The following SALL4 variants were observed in gnomAD, a reference collection of about 807,000 sequenced individuals.
The protein encoded by SALL4 is spalt like transcription factor 4.
A neutral mutation model predicts 60.8 loss-of-function variants in SALL4; 4 were observed. The ratio of observed to expected loss-of-function variants is 0.07; its 90% CI spans 0.03 to 0.15. The LOEUF is 0.15. SALL4 is among the 10% of genes least tolerant of loss of function. SALL4 has a pLI of 1.00. For synonymous variants in SALL4, 580 were observed against 574.9 expected (o/e 1.01, Z -0.13); for missense variants, 1,178 against 1,394.7 (o/e 0.84, Z 2.48).
In SALL4 at chr20:51,791,020, T is replaced by G. The variant is rs1601169729; in HGVS notation, c.1463A>C (p.Asn488Thr). 1.9e-6 allele frequency: 3 copies of G among 1,614,066 alleles called. No homozygotes were observed. The African/African-American group carries it at 4.0e-5, about 22-fold the overall frequency. ...LVTTSVGLPQNLSSGTNPKDL... is the reference protein window; with the variant it reads ...LVTTSVGLPQTLSSGTNPKDL... Reference sequence around the variant, plus strand: ...CTTGGGATTAGTCCCCGAAGAAAGATTCTGAGGTAGCCCTACAGAGGTGGT... The same window carrying G: ...CTTGGGATTAGTCCCCGAAGAAAGAGTCTGAGGTAGCCCTACAGAGGTGGT... Residue 488 changes from asparagine to threonine, a missense_variant, in exon 2 of 4, where the codon AAT becomes ACT. Physicochemically the swap from Asn to Thr is moderately conservative, Grantham distance 65. This residue lies in a region of SALL4 where 853 missense variants were observed against 1,036.8 expected (regional missense o/e 0.82). Coordinates refer to ENST00000217086, the MANE Select transcript of SALL4 (RefSeq NM_020436.5). This position sits in a 1 kb window ranked among gnomAD's most constrained non-coding sequence, Gnocchi z 4.6.
At chr20:51,786,530 C>T (rs903105632) in intron 3 of SALL4, among the ~76,000 whole-genome samples, 6 of 152,182 alleles carry the variant, frequency 3.9e-5, no homozygotes, top group African/African-American at 1.4e-4. Context: ...CTGCACCCAG[C>T]CTAGAGTTAA....
Position 51,788,811 on chromosome 20 carries a change from A to C in SALL4, c.2742+50T>G, listed in dbSNP as rs2078011343. The C allele has an allele frequency of 6.2e-7, 1 of 1,608,472 alleles. No individual in the cohort carries two copies. The highest frequency in any genetic ancestry group is 8.5e-7 in the Non-Finnish European group (1 of 1,179,180). On this transcript the variant is annotated intron_variant, in intron 3 of 3. Coordinates refer to ENST00000217086, the MANE Select transcript of SALL4 (RefSeq NM_020436.5). The surrounding 1 kb of genome is among the most constrained non-coding windows in gnomAD (Gnocchi z 4.1). The stretch of plus-strand genomic sequence containing the variant: ...CTCATCACGGCTTGTGCCAATAAGA[A>C]GACACCTGGTGCCTAGCCCCCATCC...
At chr20:51,802,245 C>T (rs202052776) in intron 1 of SALL4, 34 bp downstream of exon 1, 9 of 1,566,854 alleles carry the variant, frequency 5.7e-6, no homozygotes, top group Non-Finnish European at 6.9e-6. Context: ...CCGGGAAGCT[C>T]CCCTCCCCGG....
intron 1 of SALL4, among the ~76,000 whole-genome samples, chr20:51,800,310 C>T (rs1461018765): frequency 1.3e-5 from 2 of 152,216 alleles, no homozygotes; most frequent in African/African-American, 4.8e-5. Context: ...CAGCAAAGGG[C>T]TAGGCTTCAA....
Position 51,791,387 on chromosome 20 carries a change from T to C in SALL4, c.1096A>G (p.Ile366Val). Residue 366 changes from isoleucine (I) to valine (V), a missense_variant, in exon 2 of 4, where the codon ATC (isoleucine) becomes GTC (valine). Physicochemically the swap from Ile to Val is conservative, Grantham distance 29. Around this residue, in one of 5 missense-constraint regions of SALL4, gnomAD observed 853 missense variants for 1,036.8 expected, o/e 0.82. Transcript: ENST00000217086. This position sits in a 1 kb window ranked among gnomAD's most constrained non-coding sequence, Gnocchi z 4.6. ...TTGGGTTTGACATCCACCGCGGAGA[T>C]GTTCGGTGGCTTCCCCTTCCCTTTC... ...SKKGKGKPPN[I>V]SAVDVKPKDE... 1.6e-5 allele frequency: 26 copies of C among 1,614,190 alleles called. No homozygotes were observed. The highest frequency in any genetic ancestry group is 2.1e-5 in the Non-Finnish European group (25 of 1,180,020).
rs2077973897 is a variant in SALL4 at position 51,784,273 on chromosome 20, C to T, written c.3154G>A (p.Val1052Ile). 3 of 1,613,884 alleles carry T rather than the reference C, an allele frequency of 1.9e-6. No individual in the cohort carries two copies. The highest frequency in any genetic ancestry group is 2.5e-6 in the Non-Finnish European group (3 of 1,180,044). Residue 1052 changes from valine to isoleucine, a missense_variant, in exon 4 of 4, where the codon GTC becomes ATC. Transcript: ENST00000217086. ...TCCACGCAAGTTCTCCCTTAGCTGA[C>T]CGCAATCTTGTTTTCTTCCAGGAAG... ...PHFLEENKIA[V>I]S
Position 51,792,009 on chromosome 20 carries a change from C to T in SALL4, c.474G>A (p.Glu158=). Residue 158 remains glutamate (E), a synonymous_variant, in exon 2 of 4, where the codon GAG becomes GAA. Coordinates refer to ENST00000217086, the MANE Select transcript of SALL4 (RefSeq NM_020436.5). ...DAESVVYLKT[E]TALPPTPQDI... is the part of the protein sequence containing the mutation. ...CCTGGGGGGTGGGTGGCAGGGCTGT[C>T]TCTGTCTTTAGGTACACCACAGACT... The T allele has an allele frequency of 6.2e-7, 1 of 1,614,142 alleles. No homozygotes were observed. Among genetic ancestry groups the T allele is most frequent in the Non-Finnish European group, 8.5e-7 (1 of 1,180,020 alleles).
At position 51,788,289 on chromosome 20, in the gene SALL4, G is replaced by A. The variant is rs546309361; in HGVS notation, c.2742+572C>T. Among the ~76,000 whole-genome samples the A allele has an allele frequency of 1.3e-5, 2 of 151,710 alleles. No individual in the cohort carries two copies. The highest frequency in any genetic ancestry group is 4.8e-5 in the African/African-American group (2 of 41,332). On this transcript the variant is annotated intron_variant, in intron 3 of 3. Coordinates refer to ENST00000217086, the MANE Select transcript of SALL4 (RefSeq NM_020436.5). This position sits in a 1 kb window ranked among gnomAD's most constrained non-coding sequence, Gnocchi z 4.1. Reference sequence around the variant, plus strand: ...TCCCACTTCAGCTTCCCAATTGGCGGGGACCCAAGCATGCAACACCATGCC... The same window carrying A: ...TCCCACTTCAGCTTCCCAATTGGCGAGGACCCAAGCATGCAACACCATGCC...
chr20:51,782,550 CAAAAAAAAAAAAA>C lies in SALL4; in HGVS notation c.*1702_*1714del, dbSNP rs35289382. The C allele has an allele frequency of 1.2e-4, 7 of 56,388 alleles. No individual in the cohort carries two copies. The highest frequency in any genetic ancestry group is 3.9e-4 in the African/African-American group (7 of 17,796). The allele number at this position is 56,388 out of a possible 1,614,324, so 3.5% of individuals were successfully genotyped here. A position where few individuals can be genotyped will look rare whatever the true frequency, so the allele number is the denominator to read the frequency against. On this transcript the variant is annotated 3_prime_UTR_variant, in exon 4 of 4. Transcript: ENST00000217086. ...TTCCAGAAGGAAAGGCACAACTTGG[CAAAAAAAAAAAAA>C]AAAAAAAAAAAGGGGGGCGGAATCC...
chr20:51,791,871 G>C lies in SALL4; in HGVS notation c.612C>G (p.Pro204=), dbSNP rs367890518. The C allele has an allele frequency of 9.9e-6, 16 of 1,613,960 alleles. No individual in the cohort carries two copies. In the Admixed American group the frequency reaches 2.7e-4, roughly 27 times the overall value. The part of the protein sequence containing the change: ...NQRSADALPA[P]VPGANSIPWV... ...ACGGGATGCTGTTGGCACCAGGCAC[G>C]GGGGCAGGGAGTGCATCCGCGCTCC... Residue 204 remains proline (P), a synonymous_variant, in exon 2 of 4, where the codon CCC becomes CCG. Coordinates refer to ENST00000217086, the MANE Select transcript of SALL4 (RefSeq NM_020436.5). The surrounding 1 kb of genome is among the most constrained non-coding windows in gnomAD (Gnocchi z 4.6).
chr20:51,792,581 C>T (rs991479693), intron 1 of SALL4, among the ~76,000 whole-genome samples: 5 of 145,956 alleles, frequency 3.4e-5, no homozygotes, highest in Admixed American at 1.4e-4. Context: ...CCCAGCTACT[C>T]GGGAGGCTGA....
Position 51,788,888 on chromosome 20 carries a change from T to A in SALL4, c.2715A>T (p.Arg905=). The A allele has an allele frequency of 1.2e-6, 2 of 1,614,104 alleles. No individual in the cohort carries two copies. The highest frequency in any genetic ancestry group is 1.6e-4 in the Middle Eastern group (1 of 6,062). ...TTAAGTTGCCTTTGGTGGTAAAAGC[T>A]CGCCCACAAATGTTGCACACAAAAG... ...EKPFVCNICG[R]AFTTKGNLKV... Residue 905 remains arginine (R), a synonymous_variant, in exon 3 of 4, where the codon CGA becomes CGT. Transcript: ENST00000217086. The surrounding 1 kb of genome is among the most constrained non-coding windows in gnomAD (Gnocchi z 4.1).
chr20:51,784,216 T>C lies in SALL4; in HGVS notation c.*49A>G. On this transcript the variant is annotated 3_prime_UTR_variant, in exon 4 of 4. Transcript: ENST00000217086. Reference sequence around the variant, plus strand: ...TGAGTTCTTACAAAACAAAGCAGATTCTAGAGATTTCACTGTGTCTGCATT... The same window carrying C: ...TGAGTTCTTACAAAACAAAGCAGATCCTAGAGATTTCACTGTGTCTGCATT... The C allele has an allele frequency of 6.3e-7, 1 of 1,598,456 alleles. No homozygotes were observed. The highest frequency in any genetic ancestry group is 8.6e-7 in the Non-Finnish European group (1 of 1,167,802).
chr20:51,791,199 G>A lies in SALL4; in HGVS notation c.1284C>T (p.His428=). ...CCTTCACCTGGGGATGTCGGTGAAA[G>A]TGCACCTTGAGGTTGCCCTTGGTGG... ...RFTTKGNLKV[H]FHRHPQVKAN... The change falls in exon 2 of 4, where the codon CAC becomes CAT. Residue 428 remains histidine (H), a synonymous_variant. Coordinates refer to ENST00000217086, the MANE Select transcript of SALL4 (RefSeq NM_020436.5). This position sits in a 1 kb window ranked among gnomAD's most constrained non-coding sequence, Gnocchi z 4.6. The A allele has an allele frequency of 1.2e-6, 2 of 1,614,142 alleles. No individual in the cohort carries two copies.
chr20:51,797,180 G>C (rs1260016029), intron 1 of SALL4, among the ~76,000 whole-genome samples: 5 of 151,432 alleles, frequency 3.3e-5, no homozygotes, highest in African/African-American at 1.2e-4. Flanking sequence ...AAGTTGTTAT[G>C]ACTTGGAAAT....
chr20:51,795,016 T>C (rs1468806580), intron 1 of SALL4, among the ~76,000 whole-genome samples: 1 of 152,174 alleles, frequency 6.6e-6, no homozygotes, highest in Non-Finnish European at 1.5e-5. Context: ...TTTCTAGGAC[T>C]TCCAGAAGTT....
rs1224633039 is a variant in SALL4, at chr20:51,790,435, C to G, written c.2048G>C (p.Cys683Ser). 6.2e-7 allele frequency: 1 copy of G among 1,614,128 alleles called. No individual in the cohort carries two copies. Among genetic ancestry groups the G allele is most frequent in the Admixed American group, 1.7e-5 (1 of 60,020 alleles). ...VGENGSTGAI[C>S]HDDVIESIDV... ...GATGCTTTCGATGACATCATCATGGCAGATAGCGCCGGTGCTGCCGTTCTC... is the reference window on the plus strand; with the variant it reads ...GATGCTTTCGATGACATCATCATGGGAGATAGCGCCGGTGCTGCCGTTCTC... The change falls in exon 2 of 4, where the codon TGC (cysteine) becomes TCC (serine). Residue 683 changes from cysteine to serine, a missense_variant. Cys to Ser is a moderately radical substitution (Grantham distance 112). Transcript: ENST00000217086. This position sits in a 1 kb window ranked among gnomAD's most constrained non-coding sequence, Gnocchi z 5.5.
intron 1 of SALL4, among the ~76,000 whole-genome samples, chr20:51,795,854 A>G (rs1198498359): frequency 2.6e-5 from 4 of 152,180 alleles, no homozygotes; most frequent in Admixed American, 6.5e-5. Context: ...TTTTGGTTAA[A>G]TAAGTTAGGG....
rs2078029414 is a variant in SALL4 at position 51,790,505 on chromosome 20, C to T, written c.1978G>A (p.Glu660Lys). 46 of 1,614,118 alleles carry T rather than the reference C, an allele frequency of 2.8e-5. No individual in the cohort carries two copies. The highest frequency in any genetic ancestry group is 3.7e-5 in the Non-Finnish European group (44 of 1,180,046). Residue 660 changes from glutamate (E) to lysine (K), a missense_variant, in exon 2 of 4, where the codon GAG becomes AAG. Physicochemically the swap from Glu to Lys is moderately conservative, Grantham distance 56. Around this residue, in one of 5 missense-constraint regions of SALL4, gnomAD observed 853 missense variants for 1,036.8 expected, o/e 0.82. Transcript: ENST00000217086. This position sits in a 1 kb window ranked among gnomAD's most constrained non-coding sequence, Gnocchi z 5.5. ...GAACCCGTAAAGTCACAGGGATTCT[C>T]TGGCAGGGGCGTGTTGGGAATCTGA... is the stretch of plus-strand genomic sequence containing the variant. ...GGQIPNTPLP[E>K]NPCDFTGSEP...
Sources: gnomAD v4.1 joint callset for allele counts (sites outside exome capture counted in the v4.1 genomes callset) on GRCh38, gnomAD v4.1.1 for gene constraint, gnomAD v4.1.1 regional missense constraint, Gnocchi (gnomAD v3.1) non-coding constraint, MANE v1.5 for transcripts, NCBI Gene and HGNC (gene_info 2026-07-23, HGNC 2026-07-21) for gene names.